The following AKAP6 variants were observed in gnomAD, a reference collection of about 807,000 sequenced individuals.
The protein encoded by AKAP6 is A-kinase anchoring protein 6, also known as A-kinase anchor protein 6.
In AKAP6, 58 loss-of-function variants were observed where a neutral mutation model predicts 188.5. The observed-to-expected ratio is 0.31, with a 90% CI of 0.25 to 0.38. The LOEUF (loss-of-function observed/expected upper bound fraction) is 0.38, where lower values mean the gene tolerates loss of function less well. AKAP6 is among the 10% of genes least tolerant of loss of function. The probability of loss-of-function intolerance (pLI) is 1.00; values close to 1 mark genes in which losing one functional copy is unlikely to be tolerated. For synonymous variants in AKAP6, 989 were observed against 998.6 expected, an observed-to-expected ratio of 0.99 and a Z score of 0.18; for missense variants, 2,710 against 2,740.0, an observed-to-expected ratio of 0.99 and a Z score of 0.24.
intron 7 of AKAP6, among the ~76,000 whole-genome samples, chr14:32,664,635 C>T (rs1888842653): frequency 6.6e-6 from 1 of 152,096 alleles, no homozygotes; most frequent in Non-Finnish European, 1.5e-5. Context: ...ATGCTCTTTT[C>T]ACCTTCCTCT....
intron 7 of AKAP6, among the ~76,000 whole-genome samples, chr14:32,664,239 C>A (rs1888824891): frequency 6.6e-6 from 1 of 151,984 alleles, no homozygotes; most frequent in Admixed American, 6.6e-5. Context: ...AACAGCTAAG[C>A]AATAAGTCAA....
In AKAP6 at chr14:32,402,310, C is replaced by T. The variant is rs117852898; in HGVS notation, c.-34-31150C>T. Among the ~76,000 whole-genome samples, 380 of 152,210 alleles carry T rather than the reference C, an allele frequency of 2.5e-3. 4 individuals carry two copies. The highest frequency in any genetic ancestry group is 0.022 in the East Asian group (115 of 5,164). Reference sequence around the variant, plus strand: ...AGGTGAACAAATTGTACTGATGTGGCGTGAGGCACACTATCTGGTCAGAAA... The same window carrying T: ...AGGTGAACAAATTGTACTGATGTGGTGTGAGGCACACTATCTGGTCAGAAA... On this transcript the variant is annotated intron_variant, in intron 1 of 13. Transcript: ENST00000280979.
intron 2 of AKAP6, among the ~76,000 whole-genome samples, chr14:32,455,013 C>T (rs1891108879): frequency 6.7e-6 from 1 of 150,114 alleles, no homozygotes; most frequent in South Asian, 2.2e-4. Flanking sequence ...TCACCCAGAC[C>T]AGAATGTGGT....
At chr14:32,557,776 G>C (rs1164701976) in intron 4 of AKAP6, among the ~76,000 whole-genome samples, 1 of 152,058 alleles carries the variant, frequency 6.6e-6, no homozygotes, top group African/African-American at 2.4e-5. Flanking sequence ...TCCTCCTCTT[G>C]TCTCTGTATT....
At chr14:32,361,232 A>G (rs1887653569) in intron 1 of AKAP6, among the ~76,000 whole-genome samples, 1 of 151,886 alleles carries the variant, frequency 6.6e-6, no homozygotes, top group South Asian at 2.1e-4. Flanking sequence ...AAAGCTTCAG[A>G]GAGAAGGCAA....
chr14:32,690,116 C>T (rs536262070), intron 8 of AKAP6, among the ~76,000 whole-genome samples: 1 of 151,070 alleles, frequency 6.6e-6, no homozygotes, highest in African/African-American at 2.4e-5. Flanking sequence ...CACACACACA[C>T]ACACGATTAC....
intron 7 of AKAP6, among the ~76,000 whole-genome samples, chr14:32,646,061 G>A (rs796532250): frequency 3.6e-4 from 55 of 152,118 alleles, no homozygotes; most frequent in African/African-American, 1.0e-3. Flanking sequence ...ATCATCTGCA[G>A]GCCAACTCTT....
At chr14:32,829,806 CAT>C in intron 13 of AKAP6, 40 bp from the exon 14 acceptor site, 1 of 678,566 alleles carries the variant, frequency 1.5e-6, no homozygotes, top group Non-Finnish European at 2.7e-6. Flanking sequence ...ATGAAAAATA[CAT>C]TTCTGAAACC....
At chr14:32,678,180 C>A (rs1298032500) in intron 7 of AKAP6, 131 bp from the exon 8 acceptor site, 23 of 872,418 alleles carry the variant, frequency 2.6e-5, no homozygotes, top group Non-Finnish European at 3.8e-5. Flanking sequence ...CCCAACTGAT[C>A]CCATTAAATC....
intron 7 of AKAP6, among the ~76,000 whole-genome samples, chr14:32,672,346 A>C (rs1003727951): frequency 1.3e-5 from 2 of 152,198 alleles, no homozygotes; most frequent in Non-Finnish European, 2.9e-5. Flanking sequence ...TGCCATAACA[A>C]AATACCACAG....
At chr14:32,463,051 C>T (rs56837786) in intron 2 of AKAP6, among the ~76,000 whole-genome samples, 9,558 of 149,178 alleles carry the variant, frequency 0.064, 1,092 homozygotes, top group East Asian at 0.56. Flanking sequence ...GAAGAGGTAA[C>T]TATGCTAAAC....
intron 7 of AKAP6, among the ~76,000 whole-genome samples, chr14:32,636,948 G>A (rs1410581392): frequency 6.6e-6 from 1 of 152,040 alleles, no homozygotes; most frequent in Non-Finnish European, 1.5e-5. Context: ...GACACAAAAT[G>A]GAGTCAGGGA....
chr14:32,624,973 G>T (rs1252336627), intron 7 of AKAP6, among the ~76,000 whole-genome samples: 1 of 152,046 alleles, frequency 6.6e-6, no homozygotes, highest in Non-Finnish European at 1.5e-5. Context: ...AATTCCTAGT[G>T]ATTTTGTGAG....
rs560484912 is a variant in AKAP6, at chr14:32,366,413, T to C, written c.-35+37005T>C. ...CATCCAGATGGATTCCCAGAGTGTG[T>C]GCTGATAGCCTGTCTCCTACACCAC... On this transcript the variant is annotated intron_variant, in intron 1 of 13. Coordinates refer to ENST00000280979, the MANE Select transcript of AKAP6 (RefSeq NM_004274.5). Among the ~76,000 whole-genome samples the C allele has an allele frequency of 3.9e-5, 6 of 152,328 alleles. No homozygotes were observed. In the East Asian group the frequency reaches 5.8e-4, roughly 15 times the overall value.
intron 11 of AKAP6, among the ~76,000 whole-genome samples, chr14:32,767,745 C>A (rs2032762848): frequency 6.6e-6 from 1 of 152,126 alleles, no homozygotes; most frequent in Admixed American, 6.5e-5. Context: ...TGGTTTTAGT[C>A]CCATGAATCC....
At chr14:32,682,335 A>G (rs1267171675) in intron 8 of AKAP6, among the ~76,000 whole-genome samples, 2 of 152,196 alleles carry the variant, frequency 1.3e-5, no homozygotes, top group African/African-American at 4.8e-5. Flanking sequence ...CTGTGCAGTG[A>G]GAGAGAAGGG....
At chr14:32,801,933 C>A (rs985978524) in intron 12 of AKAP6, among the ~76,000 whole-genome samples, 3 of 152,072 alleles carry the variant, frequency 2.0e-5, no homozygotes, top group Non-Finnish European at 4.4e-5. Context: ...AAGATTTTCT[C>A]TTTGTCTTTC....
intron 1 of AKAP6, among the ~76,000 whole-genome samples, chr14:32,394,915 G>A (rs192551439): frequency 1.2e-4 from 18 of 152,264 alleles, no homozygotes; most frequent in East Asian, 5.8e-4. Context: ...CAAATTGTGC[G>A]TGTAAATAAT....
chr14:32,374,407 T>A (rs1011607507), intron 1 of AKAP6, among the ~76,000 whole-genome samples: 5 of 152,098 alleles, frequency 3.3e-5, no homozygotes, highest in Non-Finnish European at 5.9e-5. Flanking sequence ...AGAAAAATAA[T>A]GAAAGGCTCT....
Sources: gnomAD v4.1 joint callset for allele counts (sites outside exome capture counted in the v4.1 genomes callset) on GRCh38, gnomAD v4.1.1 for gene constraint, MANE v1.5 for transcripts, NCBI Gene and HGNC (gene_info 2026-07-23, HGNC 2026-07-21) for gene names.